Variants in ATL2 observed in about 807,000 individuals in gnomAD.
ATL2 encodes atlastin-2.
A neutral mutation model predicts 73.9 loss-of-function variants in ATL2; 31 were observed. That is an observed-to-expected ratio of 0.42 (90% CI 0.32 to 0.57). The LOEUF (loss-of-function observed/expected upper bound fraction) is 0.57. Ranked by LOEUF, ATL2 falls within the 20% of genes least tolerant of loss-of-function variation. ATL2 has a pLI of 0.14. For missense variants in ATL2, 738 were observed against 702.6 expected (o/e 1.05, Z -0.57); for synonymous variants, 291 against 237.5 (o/e 1.23, Z -2.07).
intron 2 of ATL2, among the ~76,000 whole-genome samples, chr2:38,340,411 G>A (rs924972646): frequency 3.3e-5 from 5 of 151,476 alleles, no homozygotes; most frequent in African/African-American, 1.2e-4. Context: ...ATTAGAAGTG[G>A]GGGGGGCAGG....
chr2:38,337,196 T>C (rs1669407650), intron 2 of ATL2, among the ~76,000 whole-genome samples: 1 of 150,944 alleles, frequency 6.6e-6, no homozygotes, highest in African/African-American at 2.4e-5. Context: ...CGAAAAGCAG[T>C]TGAGGTGGCC....
At chr2:38,357,829 A>G (rs1670767041) in intron 1 of ATL2, among the ~76,000 whole-genome samples, 1 of 152,150 alleles carries the variant, frequency 6.6e-6, no homozygotes, top group Non-Finnish European at 1.5e-5. Context: ...ATTAGCCTCA[A>G]TACTTAAAAT....
chr2:38,327,071 C>A (rs13413894), intron 2 of ATL2, among the ~76,000 whole-genome samples: 42,806 of 149,620 alleles, frequency 0.29, 6,111 homozygotes, highest in South Asian at 0.36. Context: ...GAAAAAAAAA[C>A]CCCACCAAAC....
At chr2:38,320,499 A>G (rs1014180100) in intron 2 of ATL2, among the ~76,000 whole-genome samples, 1 of 152,328 alleles carries the variant, frequency 6.6e-6, no homozygotes, top group South Asian at 2.1e-4. Context: ...TTCCATAATA[A>G]AAGTTTTTAA....
intron 1 of ATL2, among the ~76,000 whole-genome samples, chr2:38,367,766 G>A (rs567365627): frequency 6.6e-6 from 1 of 150,742 alleles, no homozygotes; most frequent in South Asian, 2.1e-4. Flanking sequence ...TGGAGTAGCT[G>A]GGATTACAGG....
chr2:38,341,041 A>C (rs1379164224), intron 2 of ATL2, among the ~76,000 whole-genome samples: 1 of 152,194 alleles, frequency 6.6e-6, no homozygotes, highest in African/African-American at 2.4e-5. Flanking sequence ...CTACTAACTG[A>C]TCAGAGATGG....
At chr2:38,374,041 G>A (rs543815644) in intron 1 of ATL2, among the ~76,000 whole-genome samples, 17 of 152,110 alleles carry the variant, frequency 1.1e-4, no homozygotes, top group African/African-American at 3.9e-4. Context: ...ACAGCCATGC[G>A]CCACCACACC....
At chr2:38,376,100 T>A (rs1344103711) in intron 1 of ATL2, 5 of 1,477,592 alleles carry the variant, frequency 3.4e-6, no homozygotes, top group Non-Finnish European at 4.5e-6. Context: ...TAAACTCTTA[T>A]CTTGGCCGTA....
At chr2:38,354,883 T>G (rs1670571464) in intron 1 of ATL2, among the ~76,000 whole-genome samples, 1 of 151,678 alleles carries the variant, frequency 6.6e-6, no homozygotes, top group South Asian at 2.1e-4. Flanking sequence ...AGAGCGAAAC[T>G]CTTTCTCAAA....
At chr2:38,352,342 A>G (rs945699523) in intron 1 of ATL2, among the ~76,000 whole-genome samples, 3 of 152,176 alleles carry the variant, frequency 2.0e-5, no homozygotes, top group African/African-American at 7.2e-5. Context: ...GACAAAATAC[A>G]TGAAGCATTG....
intron 2 of ATL2, among the ~76,000 whole-genome samples, chr2:38,330,697 T>C (rs1474150647): frequency 6.6e-6 from 1 of 152,178 alleles, no homozygotes; most frequent in Non-Finnish European, 1.5e-5. Flanking sequence ...AGTGCAAAAC[T>C]TATACTCAAA....
In ATL2 at chr2:38,315,315, T is replaced by C; in HGVS notation, c.623A>G (p.Asn208Ser). The change falls in exon 5 of 13, where the codon AAT (asparagine) becomes AGT (serine). Residue 208 changes from asparagine (N) to serine (S), a missense_variant. By Grantham distance (46) the Asn-to-Ser change is conservative. Transcript: ENST00000378954. ...SSVQVYNLSQ[N>S]IQEDDLQHLQ... ...ATGTTGAAGATCATCTTCTTGAATA[T>C]TCTGAGACAGATTATATACCTGTTG... is the stretch of plus-strand genomic sequence containing the variant. 1 of 1,497,320 alleles carries C rather than the reference T, an allele frequency of 6.7e-7. No individual in the cohort carries two copies. Among genetic ancestry groups the C allele is most frequent in the Non-Finnish European group, 8.8e-7 (1 of 1,133,624 alleles). The allele number at this position is 1,497,320 out of a possible 1,614,324, so 92.8% of individuals were successfully genotyped here.
chr2:38,373,557 G>T (rs887000435), intron 1 of ATL2, among the ~76,000 whole-genome samples: 1 of 152,148 alleles, frequency 6.6e-6, no homozygotes, highest in African/African-American at 2.4e-5. Context: ...CTTAAAAGTT[G>T]TTTCTAGTAA....
intron 2 of ATL2, among the ~76,000 whole-genome samples, chr2:38,324,695 T>C (rs934984239): frequency 1.3e-5 from 2 of 152,194 alleles, no homozygotes; most frequent in Non-Finnish European, 1.5e-5. Flanking sequence ...AGGTACATGC[T>C]GAAGAGGAAT....
At chr2:38,328,415 A>G (rs1668790187) in intron 2 of ATL2, among the ~76,000 whole-genome samples, 1 of 152,344 alleles carries the variant, frequency 6.6e-6, no homozygotes, top group African/African-American at 2.4e-5. Flanking sequence ...AAGGTAGACC[A>G]TATCCTGAGC....
chr2:38,367,012 A>T (rs1046946852), intron 1 of ATL2, among the ~76,000 whole-genome samples: 23 of 151,536 alleles, frequency 1.5e-4, no homozygotes, highest in Admixed American at 1.5e-3. Context: ...TACTATTATT[A>T]TTTTTTTTAG....
At chr2:38,338,356 C>A (rs550892823) in intron 2 of ATL2, among the ~76,000 whole-genome samples, 123 of 152,152 alleles carry the variant, frequency 8.1e-4, no homozygotes, top group Non-Finnish European at 5.3e-4. Context: ...GGTTACTACG[C>A]TCAATACCTG....
At chr2:38,361,022 A>T (rs907050587) in intron 1 of ATL2, among the ~76,000 whole-genome samples, 10 of 152,156 alleles carry the variant, frequency 6.6e-5, no homozygotes, top group African/African-American at 2.2e-4. Context: ...AAATATTTAC[A>T]TATGGATAAG....
chr2:38,322,490 T>C (rs1415611585), intron 2 of ATL2, among the ~76,000 whole-genome samples: 1 of 152,210 alleles, frequency 6.6e-6, no homozygotes, highest in Non-Finnish European at 1.5e-5. Flanking sequence ...AGAAGAAATA[T>C]GATCTTTGTT....
Sources: allele counts gnomAD v4.1 joint callset (sites outside exome capture counted in the v4.1 genomes callset), GRCh38; gene constraint gnomAD v4.1.1; transcripts MANE v1.5; gene names NCBI Gene and HGNC (gene_info 2026-07-23, HGNC 2026-07-21).